Variants in TCF25 observed in about 807,000 individuals in gnomAD.
TCF25 encodes the protein TCF25 ribosome quality control complex subunit.
TCF25 carries 41 observed loss-of-function variants against 83.1 expected under a neutral mutation model. The ratio of observed to expected loss-of-function variants is 0.49; its 90% confidence interval spans 0.38 to 0.64. The LOEUF (loss-of-function observed/expected upper bound fraction) is 0.64. Among genes scored for constraint, TCF25 ranks in the 30% least tolerant of loss-of-function variants. The probability of loss-of-function intolerance (pLI) is 0.00; values close to 1 mark genes in which losing one functional copy is unlikely to be tolerated. For missense variants in TCF25, 979 were observed against 914.5 expected, an observed-to-expected ratio of 1.07 and a Z score of -0.91; for synonymous variants, 458 against 365.0, an observed-to-expected ratio of 1.25 and a Z score of -2.90.
intron 5 of TCF25, among the ~76,000 whole-genome samples, chr16:89,891,234 C>A (rs2043401974): frequency 6.6e-6 from 1 of 152,212 alleles, no homozygotes; most frequent in Middle Eastern, 3.2e-3. Context: ...GGATAGCTCA[C>A]CGCAGGTCAG....
rs748295039 is a variant in TCF25 at position 89,906,182 on chromosome 16, C to T, written c.1629-12C>T. The T allele has an allele frequency of 9.3e-6, 15 of 1,611,828 alleles. No homozygotes were observed. The East Asian group carries it at 1.6e-4, about 17-fold the overall frequency. ...GCTTTATCTGCTGTGCCTTGTTTCT[C>T]CCCGGCCCTAGGCGGAAGGTGCTCT... On this transcript the variant is annotated splice_polypyrimidine_tract_variant and intron_variant, in intron 14 of 17. Coordinates refer to ENST00000263346, the MANE Select transcript of TCF25 (RefSeq NM_014972.3).
At chr16:89,891,994 G>A (rs1314580961) in intron 5 of TCF25, among the ~76,000 whole-genome samples, 199 bp from the exon 6 acceptor site, 1 of 151,948 alleles carries the variant, frequency 6.6e-6, no homozygotes, top group African/African-American at 2.4e-5. Flanking sequence ...CTCTCTATGG[G>A]GCCCTCCCTG....
At chr16:89,904,789 C>T in intron 13 of TCF25, 149 bp from the exon 14 acceptor site, 1 of 969,274 alleles carries the variant, frequency 1.0e-6, no homozygotes, top group Non-Finnish European at 1.6e-6. Context: ...GCCCCACGCC[C>T]TCAGGCCAGC....
intron 12 of TCF25, 69 bp from the exon 13 acceptor site, chr16:89,904,049 T>C (rs2144246568): frequency 1.3e-6 from 2 of 1,497,620 alleles, no homozygotes; most frequent in South Asian, 1.2e-5. Flanking sequence ...TGTCCCTTAC[T>C]GCCTTGGGGG....
intron 3 of TCF25, among the ~76,000 whole-genome samples, chr16:89,885,398 C>T (rs971640157): frequency 6.6e-6 from 1 of 152,212 alleles, no homozygotes; most frequent in Non-Finnish European, 1.5e-5. Context: ...GCCCTGACAT[C>T]TGTCCCATGC....
rs11648433 is a variant in TCF25 at position 89,898,647 on chromosome 16, G to T, written c.1113G>T (p.Leu371=). ...RTALEYCKLI[L]SLEPDEDPLC... is the part of the protein sequence containing the mutation. ...CGCTGGAGTACTGCAAGCTCATCCT[G>T]AGGTGAGTGTCTGCTCAGGGCCAAG... The change falls in exon 10 of 18, where the codon CTG becomes CTT. Residue 371 remains leucine (L), a splice_region_variant and synonymous_variant. Coordinates refer to ENST00000263346, the MANE Select transcript of TCF25 (RefSeq NM_014972.3). The T allele has an allele frequency of 6.2e-7, 1 of 1,612,710 alleles. No homozygotes were observed. Among genetic ancestry groups the T allele is most frequent in the Non-Finnish European group, 8.5e-7 (1 of 1,179,958 alleles).
Position 89,881,556 on chromosome 16 carries a change from G to A in TCF25, c.193-1795G>A, listed in dbSNP as rs554000291. ...CAGATTCCAGGACTGCTGGGCTCAC[G>A]CAGTCCTCCTCAGCCGCCTGAGTAG... On this transcript the variant is annotated intron_variant, in intron 1 of 17. Transcript: ENST00000263346. Among the ~76,000 whole-genome samples, 67 of 151,674 alleles carry A rather than the reference G, an allele frequency of 4.4e-4. 1 individual carries two copies. Among genetic ancestry groups the A allele is most frequent in the East Asian group, 1.9e-3 (10 of 5,140 alleles).
In TCF25 at chr16:89,892,274, A is replaced by G. The variant is rs2043489026; in HGVS notation, c.696A>G (p.Pro232=). 1.2e-6 allele frequency: 2 copies of G among 1,610,118 alleles called. No homozygotes were observed. Among genetic ancestry groups the G allele is most frequent in the Admixed American group, 1.7e-5 (1 of 59,698 alleles). The change falls in exon 6 of 18, where the codon CCA becomes CCG. Residue 232 remains proline (P), a splice_region_variant and synonymous_variant. Coordinates refer to ENST00000263346, the MANE Select transcript of TCF25 (RefSeq NM_014972.3). ...PKSTWPRYSK[P]GLSMRLLESK... Reference sequence around the variant, plus strand: ...GCACCTGGCCCCGCTACAGCAAACCAGGTGAGGGTCTGCAGATGCTGCTGG... The same window carrying G: ...GCACCTGGCCCCGCTACAGCAAACCGGGTGAGGGTCTGCAGATGCTGCTGG...
chr16:89,897,911 C>G (rs1049680734), intron 9 of TCF25, among the ~76,000 whole-genome samples: 1 of 152,046 alleles, frequency 6.6e-6, no homozygotes, highest in African/African-American at 2.4e-5. Flanking sequence ...ATCAGGAGAT[C>G]GAGACCACGG....
At chr16:89,910,149 C>T (rs748749779) in intron 16 of TCF25, 2 of 173,202 alleles carry the variant, frequency 1.2e-5, no homozygotes, top group Non-Finnish European at 2.5e-5. Context: ...GGCCTGGCCG[C>T]TCAGCGTCCT....
intron 5 of TCF25, 83 bp from the exon 6 acceptor site, chr16:89,892,110 G>A: frequency 7.3e-7 from 1 of 1,375,448 alleles, no homozygotes; most frequent in Non-Finnish European, 9.7e-7. Context: ...TGCTTCCACA[G>A]CCCGTGCAGG....
At chr16:89,879,348 G>A (rs1405189202) in intron 1 of TCF25, among the ~76,000 whole-genome samples, 1 of 146,848 alleles carries the variant, frequency 6.8e-6, no homozygotes, top group Non-Finnish European at 1.5e-5. Context: ...CGGGCTCCTG[G>A]GCCTGTCACA....
intron 16 of TCF25, chr16:89,908,855 C>T: frequency 8.5e-7 from 1 of 1,183,254 alleles, no homozygotes; most frequent in South Asian, 1.4e-5. Flanking sequence ...TCCCAGCTCT[C>T]TCCTGCAGCT....
intron 1 of TCF25, among the ~76,000 whole-genome samples, chr16:89,881,297 A>G (rs1206388513): frequency 6.6e-6 from 1 of 151,914 alleles, no homozygotes; most frequent in Non-Finnish European, 1.5e-5. Flanking sequence ...TGGGGCTTGG[A>G]GCTGATTGTG....
At chr16:89,897,112 T>C (rs1299417721) in intron 9 of TCF25, among the ~76,000 whole-genome samples, 2 of 152,094 alleles carry the variant, frequency 1.3e-5, no homozygotes, top group East Asian at 3.9e-4. Context: ...TTTCCTTCTA[T>C]GTTTGGCTGA....
At chr16:89,889,265 A>G in intron 5 of TCF25, 1 of 394,238 alleles carries the variant, frequency 2.5e-6, no homozygotes, top group Non-Finnish European at 5.0e-6. Context: ...CTGGTTTTGA[A>G]CTCGTGGCCT....
At chr16:89,884,746 C>G (rs1283409238) in intron 3 of TCF25, 90 bp downstream of exon 3, 1 of 1,177,432 alleles carries the variant, frequency 8.5e-7, no homozygotes, top group African/African-American at 2.2e-5. Flanking sequence ...CTGACGCCCT[C>G]TCCCTCTGTC....
At chr16:89,900,558 T>C (rs2044238700) in intron 11 of TCF25, 77 bp from the exon 12 acceptor site, 1 of 1,482,492 alleles carries the variant, frequency 6.7e-7, no homozygotes, top group Non-Finnish European at 9.1e-7. Flanking sequence ...TCACTGGTGA[T>C]GTCAGAGCGT....
intron 1 of TCF25, chr16:89,878,743 C>A: frequency 2.5e-6 from 2 of 810,372 alleles, no homozygotes; most frequent in Non-Finnish European, 3.0e-6. Context: ...TGGATTCACT[C>A]CATTGTCCAG....
Sources: gnomAD v4.1 joint callset for allele counts (sites outside exome capture counted in the v4.1 genomes callset) on GRCh38, gnomAD v4.1.1 for gene constraint, MANE v1.5 for transcripts, NCBI Gene and HGNC (gene_info 2026-07-23, HGNC 2026-07-21) for gene names.